LSM8: variants seen among roughly 807,000 people sequenced by gnomAD.
LSM8 encodes the protein LSM8 homolog, U6 small nuclear RNA associated.
A neutral mutation model predicts 15.0 loss-of-function variants in LSM8; 14 were observed. The ratio of observed to expected loss-of-function variants is 0.93; its 90% confidence interval spans 0.62 to 1.46. The LOEUF is 1.46. Among genes scored for constraint, LSM8 ranks in the 40% most tolerant of loss-of-function variants. LSM8 has a pLI of 0.00. For synonymous variants in LSM8, 50 were observed against 42.1 expected (o/e 1.19, Z -0.73); for missense variants, 90 against 115.4 (o/e 0.78, Z 1.01).
intron 2 of LSM8, 99 bp downstream of exon 2, chr7:118,185,793 C>T (rs1584705072): frequency 2.0e-6 from 2 of 1,017,830 alleles, no homozygotes; most frequent in Non-Finnish European, 3.0e-6. Flanking sequence ...CAGCACATTA[C>T]ACCCGTAGTG....
chr7:118,186,428 G>A (rs1373526908), intron 2 of LSM8, among the ~76,000 whole-genome samples: 1 of 151,926 alleles, frequency 6.6e-6, no homozygotes, highest in Admixed American at 6.6e-5. Context: ...TAAATAATTT[G>A]ATCCCTTATT....
chr7:118,188,237 C>A (rs1808918124), intron 2 of LSM8, 41 bp from the exon 3 acceptor site: 2 of 1,604,110 alleles, frequency 1.2e-6, no homozygotes, highest in Non-Finnish European at 1.7e-6. Flanking sequence ...TTCAGGTAAA[C>A]CAGAATATTT....
chr7:118,201,460 C>T lies in LSM8; in HGVS notation c.*9458C>T, dbSNP rs758565791. Among the ~76,000 whole-genome samples the T allele has an allele frequency of 2.4e-4, 37 of 151,996 alleles. No individual in the cohort carries two copies. The highest frequency in any genetic ancestry group is 8.9e-4 in the African/African-American group (37 of 41,400). On this transcript the variant is annotated 3_prime_UTR_variant, in exon 4 of 4. Transcript: ENST00000249299. ...CTCCTAGACTTTTCACTTACATGAG[C>T]CAAAACGGTTCCTTTGCATCAATAA...
At position 118,203,360 on chromosome 7, in the gene LSM8, CATATA is replaced by C. The variant is rs944930571; in HGVS notation, c.*11359_*11363del. Among the ~76,000 whole-genome samples, 3 of 151,756 alleles carry C rather than the reference CATATA, an allele frequency of 2.0e-5. No individual in the cohort carries two copies. The highest frequency in any genetic ancestry group is 7.3e-5 in the African/African-American group (3 of 41,376). Reference sequence around the variant, plus strand: ...AAGAAGATACTAATATTTCTGATATCATATAGGAGTAAAAATTGCGGGGAGGTCCT... The same window carrying C: ...AAGAAGATACTAATATTTCTGATATCGGAGTAAAAATTGCGGGGAGGTCCT... On this transcript the variant is annotated 3_prime_UTR_variant, in exon 4 of 4. Coordinates refer to ENST00000249299, the MANE Select transcript of LSM8 (RefSeq NM_016200.5).
At position 118,203,956 on chromosome 7, in the gene LSM8, C is replaced by A. The variant is rs138994331; in HGVS notation, c.*11954C>A. Among the ~76,000 whole-genome samples the A allele has an allele frequency of 5.1e-3, 772 of 151,692 alleles. 6 individuals carry two copies. The highest frequency in any genetic ancestry group is 0.017 in the African/African-American group (712 of 41,460). ...TTACCTATGAATTGCTCAGTTCTAA[C>A]AATGATTTGTAAATTTTAATACTAT... On this transcript the variant is annotated 3_prime_UTR_variant, in exon 4 of 4. Transcript: ENST00000249299.
At chr7:118,191,792 GCT>G (rs1222320030) in intron 3 of LSM8, 118 bp from the exon 4 acceptor site, 7 of 694,356 alleles carry the variant, frequency 1.0e-5, no homozygotes, top group East Asian at 8.3e-5. Flanking sequence ...TTTTTACTGT[GCT>G]CTCTCAGTTT....
In LSM8 at chr7:118,197,209, T is replaced by TC. The variant is rs981635501; in HGVS notation, c.*5209dup. ...CTATTATGTAGGTTTTTTTTTTTTT[T>TC]CCACATATACTGGCTTTACAAATGC... is the stretch of plus-strand genomic sequence containing the variant. On this transcript the variant is annotated 3_prime_UTR_variant, in exon 4 of 4. Coordinates refer to ENST00000249299, the MANE Select transcript of LSM8 (RefSeq NM_016200.5). Among the ~76,000 whole-genome samples the TC allele has an allele frequency of 1.4e-4, 20 of 142,652 alleles. No individual in the cohort carries two copies. Among genetic ancestry groups the TC allele is most frequent in the African/African-American group, 4.4e-4 (17 of 38,514 alleles). 93.6% of individuals were successfully genotyped at this position (142,652 alleles called of 152,430 possible). A position where few individuals can be genotyped will look rare whatever the true frequency, so the allele number is the denominator to read the frequency against.
chr7:118,193,506 T>C lies in LSM8; in HGVS notation c.*1504T>C, dbSNP rs1330901086. ...CAGCCTTATAAGGGGAGAAGCACTA[T>C]TCTCTAGAATTATTTGGTTGATGTT... On this transcript the variant is annotated 3_prime_UTR_variant, in exon 4 of 4. Coordinates refer to ENST00000249299, the MANE Select transcript of LSM8 (RefSeq NM_016200.5). Among the ~76,000 whole-genome samples the C allele has an allele frequency of 6.6e-6, 1 of 152,102 alleles. No individual in the cohort carries two copies. Among genetic ancestry groups the C allele is most frequent in the Non-Finnish European group, 1.5e-5 (1 of 67,974 alleles).
At chr7:118,189,345 G>A (rs1329703707) in intron 3 of LSM8, 2 of 152,008 alleles carry the variant, frequency 1.3e-5, no homozygotes, top group African/African-American at 4.8e-5. Context: ...TTGAGGTCAG[G>A]AGTTCGAGAC....
rs564016770 is a variant in LSM8, at chr7:118,193,612, T to G, written c.*1610T>G. On this transcript the variant is annotated 3_prime_UTR_variant, in exon 4 of 4. Transcript: ENST00000249299. ...ACTTGACTTGTAGTATAATGTTTTA[T>G]AATCAATTTATTAATAAAATGATGG... Among the ~76,000 whole-genome samples the G allele has an allele frequency of 2.6e-5, 4 of 152,220 alleles. No individual in the cohort carries two copies. In the South Asian group the frequency reaches 8.3e-4, roughly 32 times the overall value.
chr7:118,188,591 G>A (rs7792510), intron 3 of LSM8, 186 bp downstream of exon 3: 31,137 of 473,082 alleles, frequency 0.066, 1,164 homozygotes, highest in East Asian at 0.12. Flanking sequence ...TTTTATGTCA[G>A]CACTTCTTTA....
rs1383710959 is a variant in LSM8, at chr7:118,203,745, A to T, written c.*11743A>T. Among the ~76,000 whole-genome samples the T allele has an allele frequency of 6.6e-6, 1 of 151,864 alleles. No homozygotes were observed. Among genetic ancestry groups the T allele is most frequent in the East Asian group, 1.9e-4 (1 of 5,194 alleles). ...ATTCTATAGTAACAGTTTAGTTGAG[A>T]AAATAAATCATAATTTGTGATTTCA... On this transcript the variant is annotated 3_prime_UTR_variant, in exon 4 of 4. Coordinates refer to ENST00000249299, the MANE Select transcript of LSM8 (RefSeq NM_016200.5).
In LSM8 at chr7:118,203,675, G is replaced by A. The variant is rs1158900510; in HGVS notation, c.*11673G>A. Among the ~76,000 whole-genome samples, 1 of 151,698 alleles carries A rather than the reference G, an allele frequency of 6.6e-6. No homozygotes were observed. Among genetic ancestry groups the A allele is most frequent in the Non-Finnish European group, 1.5e-5 (1 of 67,766 alleles). ...AAAGTCATCTGCCAGATCTAACATG[G>A]TATACTCTAATGGAAAAATCATCAA... On this transcript the variant is annotated 3_prime_UTR_variant, in exon 4 of 4. Transcript: ENST00000249299.
In LSM8 at chr7:118,198,361, A is replaced by C. The variant is rs989499043; in HGVS notation, c.*6359A>C. Among the ~76,000 whole-genome samples, 6 of 152,214 alleles carry C rather than the reference A, an allele frequency of 3.9e-5. No individual in the cohort carries two copies. Among genetic ancestry groups the C allele is most frequent in the African/African-American group, 1.4e-4 (6 of 41,462 alleles). On this transcript the variant is annotated 3_prime_UTR_variant, in exon 4 of 4. Coordinates refer to ENST00000249299, the MANE Select transcript of LSM8 (RefSeq NM_016200.5). Reference sequence around the variant, plus strand: ...GTATATTAAAACCAAATATTCTATGAAGATTGGAAGGATAATTTTAGGTCA... The same window carrying C: ...GTATATTAAAACCAAATATTCTATGCAGATTGGAAGGATAATTTTAGGTCA...
rs7779933 is a variant in LSM8 at position 118,198,498 on chromosome 7, C to G, written c.*6496C>G. On this transcript the variant is annotated 3_prime_UTR_variant, in exon 4 of 4. Transcript: ENST00000249299. Reference sequence around the variant, plus strand: ...TAACAGAGATGACATGCCCGGTAAACTGGTGTTTGAAGGCAATATATAAAA... The same window carrying G: ...TAACAGAGATGACATGCCCGGTAAAGTGGTGTTTGAAGGCAATATATAAAA... Among the ~76,000 whole-genome samples the G allele has an allele frequency of 0.69, 104,250 of 152,002 alleles. 35,940 individuals are homozygous for G. The highest frequency in any genetic ancestry group is 0.82 in the South Asian group (3,933 of 4,820).
rs577365688 is a variant in LSM8 at position 118,199,822 on chromosome 7, C to G, written c.*7820C>G. ...GATATGTATTGGGTGATATGAGAGC[C>G]CATAGGAGAGACATCTAAAGTTTAA... On this transcript the variant is annotated 3_prime_UTR_variant, in exon 4 of 4. Coordinates refer to ENST00000249299, the MANE Select transcript of LSM8 (RefSeq NM_016200.5). 2.0e-5 allele frequency among the ~76,000 whole-genome samples: 3 copies of G among 152,080 alleles called. No individual in the cohort carries two copies. Among genetic ancestry groups the G allele is most frequent in the African/African-American group, 7.2e-5 (3 of 41,502 alleles).
chr7:118,195,273 C>A lies in LSM8; in HGVS notation c.*3271C>A, dbSNP rs1354752153. Among the ~76,000 whole-genome samples, 1 of 152,142 alleles carries A rather than the reference C, an allele frequency of 6.6e-6. No individual in the cohort carries two copies. The highest frequency in any genetic ancestry group is 2.4e-5 in the African/African-American group (1 of 41,436). ...CTGCTGGGATGAGTCTCTAACCCCA[C>A]AGAATTGATTTCAAACACAGGATCT... On this transcript the variant is annotated 3_prime_UTR_variant, in exon 4 of 4. Coordinates refer to ENST00000249299, the MANE Select transcript of LSM8 (RefSeq NM_016200.5).
rs890634996 is a variant in LSM8, at chr7:118,202,235, C to T, written c.*10233C>T. ...TGAAGTGTCATATGAAAGGAAGTTA[C>T]GATTATTATTGGTGAGTACATCAGT... On this transcript the variant is annotated 3_prime_UTR_variant, in exon 4 of 4. Coordinates refer to ENST00000249299, the MANE Select transcript of LSM8 (RefSeq NM_016200.5). 2.6e-5 allele frequency among the ~76,000 whole-genome samples: 4 copies of T among 151,922 alleles called. No homozygotes were observed. The highest frequency in any genetic ancestry group is 7.2e-5 in the African/African-American group (3 of 41,390).
rs1016005244 is a variant in LSM8 at position 118,192,609 on chromosome 7, T to G, written c.*607T>G. 6.6e-6 allele frequency: 1 copy of G among 152,154 alleles called. No individual in the cohort carries two copies. Among genetic ancestry groups the G allele is most frequent in the South Asian group, 2.1e-4 (1 of 4,834 alleles). The allele number at this position is 152,154 out of a possible 1,614,324, so 9.4% of individuals were successfully genotyped here. On this transcript the variant is annotated 3_prime_UTR_variant, in exon 4 of 4. Transcript: ENST00000249299. Reference sequence around the variant, plus strand: ...CTTGAATATTAAGAATGACTAGGAATGGTAGAATTGACAGAGATGATTAGT... The same window carrying G: ...CTTGAATATTAAGAATGACTAGGAAGGGTAGAATTGACAGAGATGATTAGT...
Sources: gnomAD v4.1 joint callset for allele counts (sites outside exome capture counted in the v4.1 genomes callset) on GRCh38, gnomAD v4.1.1 for gene constraint, MANE v1.5 for transcripts, NCBI Gene and HGNC (gene_info 2026-07-23, HGNC 2026-07-21) for gene names.